Variants in SMOC2 observed in about 807,000 individuals in gnomAD.
The protein encoded by SMOC2 is SPARC related modular calcium binding 2.
In SMOC2, 39 loss-of-function variants were observed where a neutral mutation model predicts 61.4. The ratio of observed to expected loss-of-function variants is 0.64; its 90% CI spans 0.49 to 0.83. SMOC2 has a LOEUF of 0.83. SMOC2 is among the 40% of genes least tolerant of loss of function. The pLI is 0.00. For missense variants in SMOC2, 556 were observed against 592.9 expected (o/e 0.94, Z 0.65); for synonymous variants, 247 against 239.9 (o/e 1.03, Z -0.27).
At chr6:168,655,353 A>T in intron 11 of SMOC2, 1 of 455,398 alleles carries the variant, frequency 2.2e-6, no homozygotes, top group South Asian at 1.6e-5. Context: ...TTAACAATTG[A>T]AAATACTTTT....
chr6:168,636,501 G>C (rs1562396617), intron 9 of SMOC2, among the ~76,000 whole-genome samples: 2 of 152,226 alleles, frequency 1.3e-5, no homozygotes. Context: ...GCTTAATAAT[G>C]TTGTTTTGGA....
In SMOC2 at chr6:168,598,879, C is replaced by T; in HGVS notation, c.699C>T (p.Asp233=). ...AGGAAGCCAAGCAGCCCAAGAACGACAATGTGGTGATCCCTGAGTGTGCGC... is the reference window on the plus strand; with the variant it reads ...AGGAAGCCAAGCAGCCCAAGAACGATAATGTGGTGATCCCTGAGTGTGCGC... The part of the protein sequence containing the change: ...ALEEAKQPKN[D]NVVIPECAHG... The change falls in exon 8 of 13, where the codon GAC becomes GAT. Residue 233 remains aspartate, a synonymous_variant. Coordinates refer to ENST00000356284, the MANE Select transcript of SMOC2 (RefSeq NM_001166412.2). 6.2e-7 allele frequency: 1 copy of T among 1,613,878 alleles called. No homozygotes were observed. The highest frequency in any genetic ancestry group is 8.5e-7 in the Non-Finnish European group (1 of 1,179,850).
At chr6:168,529,478 CT>C (rs1783534972) in intron 4 of SMOC2, among the ~76,000 whole-genome samples, 2 of 152,240 alleles carry the variant, frequency 1.3e-5, no homozygotes, top group East Asian at 1.9e-4. Context: ...CCTTCTACCC[CT>C]GGTTCACCTG....
intron 4 of SMOC2, among the ~76,000 whole-genome samples, chr6:168,536,227 G>A (rs1301677096): frequency 6.6e-6 from 1 of 152,190 alleles, no homozygotes; most frequent in Non-Finnish European, 1.5e-5. Context: ...AGCCATCCAT[G>A]ACCATCTCAA....
chr6:168,518,439 C>CTTG (rs66539943), intron 2 of SMOC2, among the ~76,000 whole-genome samples: 1 of 147,454 alleles, frequency 6.8e-6, no homozygotes, highest in Non-Finnish European at 1.5e-5. Flanking sequence ...GCATGTGTGA[C>CTTG]TGTGAATGTG....
chr6:168,599,589 C>A lies in SMOC2; in HGVS notation c.824+585C>A, dbSNP rs200586508. ...ACACCCACACTCATACCACACACAC[C>A]CACACATACCCCCACACACCCACAC... On this transcript the variant is annotated intron_variant, in intron 8 of 12. Coordinates refer to ENST00000356284, the MANE Select transcript of SMOC2 (RefSeq NM_001166412.2). 3.2e-3 allele frequency among the ~76,000 whole-genome samples: 29 copies of A among 9,158 alleles called. 4 individuals are homozygous for A. The South Asian group carries it at 0.13, about 43-fold the overall frequency. 6.0% of individuals were successfully genotyped at this position (9,158 alleles called of 152,430 possible). A position where few individuals can be genotyped will look rare whatever the true frequency, so the allele number is the denominator to read the frequency against.
At chr6:168,448,500 G>A (rs996490414) in intron 1 of SMOC2, among the ~76,000 whole-genome samples, 3 of 144,384 alleles carry the variant, frequency 2.1e-5, no homozygotes, top group African/African-American at 7.8e-5. Context: ...AGGAGGACGG[G>A]GATGGTGAGG....
intron 2 of SMOC2, among the ~76,000 whole-genome samples, chr6:168,518,693 T>C (rs1254277437): frequency 7.0e-6 from 1 of 143,350 alleles, no homozygotes; most frequent in Middle Eastern, 3.8e-3. Flanking sequence ...TGAATGTGTA[T>C]GAGCGTGCAT....
intron 11 of SMOC2, among the ~76,000 whole-genome samples, chr6:168,660,354 G>T (rs182141618): frequency 1.3e-5 from 2 of 152,170 alleles, no homozygotes; most frequent in Non-Finnish European, 2.9e-5. Context: ...GGACTGGTCC[G>T]CATTGCTCTC....
chr6:168,515,257 G>A (rs145114295), intron 2 of SMOC2, among the ~76,000 whole-genome samples: 277 of 152,314 alleles, frequency 1.8e-3, no homozygotes, highest in African/African-American at 6.6e-3. Flanking sequence ...AAAGGATTCT[G>A]TTGGAAAGAA....
chr6:168,463,368 C>T (rs547894709), intron 1 of SMOC2, among the ~76,000 whole-genome samples: 7 of 152,276 alleles, frequency 4.6e-5, no homozygotes, highest in South Asian at 4.1e-4. Context: ...AGCTGGCACC[C>T]GTTGCTGCGT....
At chr6:168,622,548 A>G (rs1341572388) in intron 9 of SMOC2, among the ~76,000 whole-genome samples, 1 of 151,948 alleles carries the variant, frequency 6.6e-6, no homozygotes, top group Admixed American at 6.6e-5. Context: ...TGCACGTACC[A>G]TTTCCTGACA....
At chr6:168,513,577 C>T (rs1187053739) in intron 2 of SMOC2, among the ~76,000 whole-genome samples, 2 of 152,128 alleles carry the variant, frequency 1.3e-5, no homozygotes, top group Non-Finnish European at 2.9e-5. Flanking sequence ...CAGCTTGGTT[C>T]TATGTGATTC....
At chr6:168,663,768 C>T (rs1787582011) in intron 11 of SMOC2, among the ~76,000 whole-genome samples, 1 of 152,138 alleles carries the variant, frequency 6.6e-6, no homozygotes, top group Admixed American at 6.5e-5. Flanking sequence ...ATTTACATTG[C>T]ATTAAGCATT....
intron 6 of SMOC2, among the ~76,000 whole-genome samples, chr6:168,548,523 A>ATT (rs1554238276): frequency 3.2e-5 from 1 of 31,140 alleles, no homozygotes. Flanking sequence ...ACCCCTGGCT[A>ATT]TTTTTTTTTT....
At chr6:168,627,873 C>T (rs1430710680) in intron 9 of SMOC2, among the ~76,000 whole-genome samples, 3 of 152,312 alleles carry the variant, frequency 2.0e-5, no homozygotes, top group Middle Eastern at 3.4e-3. Flanking sequence ...CCCAGCTAAG[C>T]GGAGGAGAAA....
At chr6:168,628,046 G>A (rs1487051128) in intron 9 of SMOC2, among the ~76,000 whole-genome samples, 1 of 152,134 alleles carries the variant, frequency 6.6e-6, no homozygotes, top group Non-Finnish European at 1.5e-5. Context: ...TTGTCAAGGA[G>A]GCATGTTTCA....
intron 9 of SMOC2, among the ~76,000 whole-genome samples, chr6:168,629,916 C>T (rs1786523174): frequency 6.6e-6 from 1 of 152,176 alleles, no homozygotes; most frequent in Non-Finnish European, 1.5e-5. Flanking sequence ...CCTTTCAAAG[C>T]TTATTCTTTT....
At chr6:168,539,336 G>A (rs950335799) in intron 4 of SMOC2, among the ~76,000 whole-genome samples, 9 of 152,268 alleles carry the variant, frequency 5.9e-5, no homozygotes, top group Non-Finnish European at 8.8e-5. Flanking sequence ...GGGGCTGGCC[G>A]GCTTTCTTGA....
Sources: allele counts gnomAD v4.1 joint callset (sites outside exome capture counted in the v4.1 genomes callset), GRCh38; gene constraint gnomAD v4.1.1; transcripts MANE v1.5; gene names NCBI Gene and HGNC (gene_info 2026-07-23, HGNC 2026-07-21).